Variants in ADCY1 observed in about 807,000 individuals in gnomAD.
ADCY1 encodes adenylate cyclase 1.
Under a neutral mutation model 105.4 loss-of-function variants are expected in ADCY1, and 28 were observed. That is an observed-to-expected ratio of 0.27 (90% CI 0.20 to 0.36). ADCY1 has a LOEUF of 0.36. ADCY1 is among the 10% of genes least tolerant of loss of function. The probability of loss-of-function intolerance (pLI) is 1.00; values close to 1 mark genes in which losing one functional copy is unlikely to be tolerated. For missense variants in ADCY1, 977 were observed against 1,434.2 expected (o/e 0.68, Z 5.15); for synonymous variants, 655 against 623.8 (o/e 1.05, Z -0.75).
intron 2 of ADCY1, among the ~76,000 whole-genome samples, chr7:45,597,438 G>C (rs1449767835): frequency 6.6e-6 from 1 of 152,220 alleles, no homozygotes; most frequent in Non-Finnish European, 1.5e-5. Flanking sequence ...GCCCTGGGGA[G>C]CACCTCTCAA....
At chr7:45,600,483 G>A (rs113793113) in intron 2 of ADCY1, among the ~76,000 whole-genome samples, 4,513 of 152,340 alleles carry the variant, frequency 0.03, 83 homozygotes, top group African/African-American at 0.05. Flanking sequence ...CTGGAGTAAA[G>A]TGGCCCGTTG....
intron 4 of ADCY1, among the ~76,000 whole-genome samples, chr7:45,641,120 G>C (rs1794515177): frequency 6.6e-6 from 1 of 152,176 alleles, no homozygotes; most frequent in Admixed American, 6.5e-5. Context: ...TCCCTGTCAA[G>C]TCTCAGGTTC....
At chr7:45,625,210 G>A (rs1308972659) in intron 4 of ADCY1, among the ~76,000 whole-genome samples, 1 of 152,162 alleles carries the variant, frequency 6.6e-6, no homozygotes, top group African/African-American at 2.4e-5. Context: ...GGGGCTCTGG[G>A]CCTGTTTCGA....
At chr7:45,653,691 C>A (rs868246161) in intron 5 of ADCY1, among the ~76,000 whole-genome samples, 2 of 152,204 alleles carry the variant, frequency 1.3e-5, no homozygotes, top group South Asian at 2.1e-4. Flanking sequence ...CCCTCTCCCC[C>A]ACTGGGGCTT....
chr7:45,605,368 T>C (rs1793346579), intron 2 of ADCY1, among the ~76,000 whole-genome samples: 2 of 152,220 alleles, frequency 1.3e-5, no homozygotes, highest in South Asian at 4.1e-4. Context: ...CATGAGATGA[T>C]GAATATGAGT....
chr7:45,674,599 C>T (rs1034034804), intron 8 of ADCY1, among the ~76,000 whole-genome samples: 1 of 152,160 alleles, frequency 6.6e-6, no homozygotes, highest in Non-Finnish European at 1.5e-5. Flanking sequence ...GTCTTGAACT[C>T]CTGACTTCGT....
intron 1 of ADCY1, among the ~76,000 whole-genome samples, chr7:45,589,621 G>T (rs1792848320): frequency 6.6e-6 from 1 of 152,092 alleles, no homozygotes; most frequent in Non-Finnish European, 1.5e-5. Flanking sequence ...CCAACACAGT[G>T]GATGCATTTG....
intron 2 of ADCY1, among the ~76,000 whole-genome samples, chr7:45,609,227 G>A (rs146009549): frequency 2.0e-4 from 31 of 152,326 alleles, no homozygotes; most frequent in African/African-American, 6.5e-4. Flanking sequence ...GGGCACCTGT[G>A]CTCCTTCCGA....
intron 17 of ADCY1, among the ~76,000 whole-genome samples, chr7:45,706,512 A>AG (rs34433714): frequency 0.31 from 42,435 of 134,822 alleles, 8,570 homozygotes; most frequent in South Asian, 0.58. Context: ...AAAAAAAAAA[A>AG]AGAATATAGA....
intron 11 of ADCY1, 138 bp downstream of exon 11, chr7:45,679,931 G>C: frequency 9.1e-7 from 1 of 1,096,714 alleles, no homozygotes; most frequent in Non-Finnish European, 1.4e-6. Context: ...ACCTTGTTCA[G>C]GTATGTGGGT....
Position 45,710,444 on chromosome 7 carries a change from C to T in ADCY1, c.2933-84C>T. ...GGAGCAGCCTTTTCTCCACCAGGAG[C>T]AGCATCAGGTGCATTTGGTGGCCCT... On this transcript the variant is annotated intron_variant, in intron 18 of 19. Transcript: ENST00000297323. The surrounding 1 kb of genome is among the most constrained non-coding windows in gnomAD (Gnocchi z 4.7). 1 of 1,544,106 alleles carries T rather than the reference C, an allele frequency of 6.5e-7. No homozygotes were observed. The highest frequency in any genetic ancestry group is 1.9e-5 in the Admixed American group (1 of 53,246).
At chr7:45,668,237 C>A (rs1279392704) in intron 8 of ADCY1, among the ~76,000 whole-genome samples, 1 of 152,192 alleles carries the variant, frequency 6.6e-6, no homozygotes, top group Non-Finnish European at 1.5e-5. Context: ...CCAGTTTTTG[C>A]CCATTCAGTA....
chr7:45,620,356 A>G (rs190393177), intron 3 of ADCY1, among the ~76,000 whole-genome samples: 108 of 152,310 alleles, frequency 7.1e-4, no homozygotes, highest in Non-Finnish European at 1.2e-3. Flanking sequence ...GAATTAGTGA[A>G]CTTGATAGCT....
intron 1 of ADCY1, among the ~76,000 whole-genome samples, chr7:45,589,042 C>T (rs1401215085): frequency 1.3e-5 from 2 of 152,140 alleles, no homozygotes; most frequent in Non-Finnish European, 2.9e-5. Flanking sequence ...TTGGGAGGTA[C>T]TACAGTTGTC....
At chr7:45,664,222 C>A in intron 8 of ADCY1, 3 of 1,441,214 alleles carry the variant, frequency 2.1e-6, no homozygotes, top group Non-Finnish European at 2.8e-6. Context: ...AGTTTCAGAG[C>A]CTGGCTAAAA....
intron 5 of ADCY1, among the ~76,000 whole-genome samples, chr7:45,653,435 C>T (rs1794860904): frequency 1.3e-5 from 2 of 152,232 alleles, no homozygotes; most frequent in South Asian, 4.1e-4. Flanking sequence ...TTCTGCAGGA[C>T]TGCCCGCGAT....
chr7:45,689,159 G>A (rs868793738), intron 14 of ADCY1, among the ~76,000 whole-genome samples: 1 of 151,764 alleles, frequency 6.6e-6, no homozygotes, highest in South Asian at 2.1e-4. Context: ...GAGAACCCTC[G>A]CCCTTTGGCC....
At chr7:45,670,204 C>G (rs978576148) in intron 8 of ADCY1, among the ~76,000 whole-genome samples, 2 of 152,200 alleles carry the variant, frequency 1.3e-5, no homozygotes, top group African/African-American at 2.4e-5. Flanking sequence ...ACCTTCCTGT[C>G]CATCCCTGTG....
intron 4 of ADCY1, among the ~76,000 whole-genome samples, chr7:45,641,652 C>T (rs1489567090): frequency 3.3e-5 from 5 of 151,948 alleles, no homozygotes; most frequent in Admixed American, 3.3e-4. Context: ...TTCGGCCGGG[C>T]GCGGTGGCTC....
Sources: allele counts gnomAD v4.1 joint callset (sites outside exome capture counted in the v4.1 genomes callset), GRCh38; gene constraint gnomAD v4.1.1; non-coding constraint Gnocchi (gnomAD v3.1); transcripts MANE v1.5; gene names NCBI Gene and HGNC (gene_info 2026-07-23, HGNC 2026-07-21).